Variants in TM9SF4 observed in about 807,000 individuals in gnomAD.
TM9SF4 encodes the protein transmembrane 9 superfamily member 4.
In TM9SF4, 26 loss-of-function variants were observed where a neutral mutation model predicts 90.4. That is an observed-to-expected ratio of 0.29 (90% confidence interval 0.21 to 0.40). The LOEUF is 0.40. Ranked by LOEUF, TM9SF4 falls within the 10% of genes least tolerant of loss-of-function variation. TM9SF4 has a pLI of 1.00. For synonymous variants in TM9SF4, 293 were observed against 315.4 expected (o/e 0.93, Z 0.75); for missense variants, 549 against 834.8 (o/e 0.66, Z 4.22).
At chr20:32,153,937 G>A (rs1467578333) in intron 12 of TM9SF4, among the ~76,000 whole-genome samples, 1 of 152,152 alleles carries the variant, frequency 6.6e-6, no homozygotes, top group Non-Finnish European at 1.5e-5. Context: ...GTGACGTGGA[G>A]GTGGTGAGGG....
chr20:32,141,918 A>C (rs1399641810), intron 5 of TM9SF4, 23 bp downstream of exon 5: 1 of 1,613,550 alleles, frequency 6.2e-7, no homozygotes, highest in African/African-American at 1.3e-5. Flanking sequence ...TGGCGTGCTC[A>C]CAGGACCGGG....
chr20:32,146,510 C>T (rs994134051), intron 8 of TM9SF4, among the ~76,000 whole-genome samples: 1 of 152,112 alleles, frequency 6.6e-6, no homozygotes, highest in Non-Finnish European at 1.5e-5. Flanking sequence ...TAGGACCAAG[C>T]GATGGAACAG....
At position 32,157,959 on chromosome 20, in the gene TM9SF4, C is replaced by G. The variant is rs1246150446; in HGVS notation, c.1495C>G (p.Arg499Gly). The change falls in exon 14 of 18, where the codon CGA becomes GGA. Residue 499 changes from arginine to glycine, a missense_variant. Around this residue, in one of 2 missense-constraint regions of TM9SF4, gnomAD observed 495 missense variants for 711.7 expected, o/e 0.70. Coordinates refer to ENST00000398022, the MANE Select transcript of TM9SF4 (RefSeq NM_014742.4). ...QIPEQRWYMNRFVGILMAGIL... is the reference protein window; with the variant it reads ...QIPEQRWYMNGFVGILMAGIL... ...CCCCGAGCAGCGGTGGTACATGAAC[C>G]GATTTGTGGGGTGAGTCCTCCAGCA... 1.2e-6 allele frequency: 2 copies of G among 1,613,950 alleles called. No homozygotes were observed. The highest frequency in any genetic ancestry group is 1.7e-6 in the Non-Finnish European group (2 of 1,180,012).
chr20:32,122,717 C>T (rs865955175), intron 1 of TM9SF4, among the ~76,000 whole-genome samples: 46 of 151,890 alleles, frequency 3.0e-4, no homozygotes, highest in African/African-American at 1.1e-3. Context: ...TCCTCACATC[C>T]CAGACGATGG....
intron 1 of TM9SF4, among the ~76,000 whole-genome samples, chr20:32,131,066 C>T (rs1359066262): frequency 6.6e-6 from 1 of 152,058 alleles, no homozygotes; most frequent in Non-Finnish European, 1.5e-5. Flanking sequence ...CCTTCCTATC[C>T]AAATTGCCCC....
At chr20:32,151,429 C>T (rs2046838669) in intron 12 of TM9SF4, among the ~76,000 whole-genome samples, 1 of 133,236 alleles carries the variant, frequency 7.5e-6, no homozygotes, top group Non-Finnish European at 1.6e-5. Flanking sequence ...ATCCCCGAGC[C>T]CCTTCTCCTA....
At chr20:32,133,657 G>T (rs893055965) in intron 2 of TM9SF4, among the ~76,000 whole-genome samples, 1 of 152,186 alleles carries the variant, frequency 6.6e-6, no homozygotes, top group Admixed American at 6.5e-5. Flanking sequence ...GCATGGCTTA[G>T]CTCAGGTTGC....
At position 32,165,512 on chromosome 20, in the gene TM9SF4, G is replaced by A; in HGVS notation, c.*68G>A. ...AAGCCACCCTGCGTGGGGGACTGCA[G>A]GCACGCAAAATAAAATAACTCCTGC... On this transcript the variant is annotated 3_prime_UTR_variant, in exon 18 of 18. Transcript: ENST00000398022. 9 of 1,571,722 alleles carry A rather than the reference G, an allele frequency of 5.7e-6. No homozygotes were observed. The highest frequency in any genetic ancestry group is 7.9e-6 in the Non-Finnish European group (9 of 1,146,412).
At chr20:32,159,900 T>C (rs2046989430) in intron 15 of TM9SF4, 92 bp from the exon 16 acceptor site, 4 of 1,557,224 alleles carry the variant, frequency 2.6e-6, no homozygotes, top group Middle Eastern at 1.8e-4. Flanking sequence ...GTCATGATGA[T>C]GTGTCCACTC....
chr20:32,111,821 G>A (rs1354083703), intron 1 of TM9SF4, among the ~76,000 whole-genome samples: 1 of 152,194 alleles, frequency 6.6e-6, no homozygotes, highest in Non-Finnish European at 1.5e-5. Context: ...TGTTTTTGAG[G>A]AACACACAGA....
rs1021534804 is a variant in TM9SF4, at chr20:32,148,502, G to T, written c.955-1132G>T. 3.6e-4 allele frequency among the ~76,000 whole-genome samples: 55 copies of T among 152,078 alleles called. 1 individual carries two copies. Among genetic ancestry groups the T allele is most frequent in the Admixed American group, 3.1e-3 (48 of 15,274 alleles). On this transcript the variant is annotated intron_variant, in intron 9 of 17. Coordinates refer to ENST00000398022, the MANE Select transcript of TM9SF4 (RefSeq NM_014742.4). ...GGAGGCCAAAGCAGGAGGATCACTT[G>T]AGCCCAGGAGTTCAAGACCAGCCAG...
chr20:32,158,016 A>T, intron 14 of TM9SF4, 47 bp downstream of exon 14: 5 of 1,604,094 alleles, frequency 3.1e-6, no homozygotes, highest in Non-Finnish European at 4.3e-6. Context: ...GGAAGAGGGT[A>T]CGCCCCCCTC....
At chr20:32,137,026 C>A (rs1384525790) in intron 3 of TM9SF4, 4 of 463,564 alleles carry the variant, frequency 8.6e-6, no homozygotes, top group Non-Finnish European at 1.8e-5. Context: ...CAGTTGGAGG[C>A]AGGCCTTGGA....
At chr20:32,138,819 C>T (rs2046630953) in intron 3 of TM9SF4, among the ~76,000 whole-genome samples, 1 of 152,232 alleles carries the variant, frequency 6.6e-6, no homozygotes, top group Non-Finnish European at 1.5e-5. Context: ...GCAAGATCCT[C>T]ATTGACAGGA....
chr20:32,143,850 A>C (rs917807687), intron 6 of TM9SF4, among the ~76,000 whole-genome samples: 1 of 152,078 alleles, frequency 6.6e-6, no homozygotes. Flanking sequence ...TCCCGAGCGC[A>C]GTTCTACGTT....
intron 1 of TM9SF4, among the ~76,000 whole-genome samples, chr20:32,114,424 G>A (rs556101570): frequency 1.5e-4 from 23 of 152,270 alleles, no homozygotes; most frequent in Admixed American, 3.3e-4. Flanking sequence ...TCCACCTCCC[G>A]GGCTCAGGCG....
chr20:32,109,905 G>T (rs2046114983), intron 1 of TM9SF4, 150 bp downstream of exon 1: 2 of 1,480,614 alleles, frequency 1.4e-6, no homozygotes, highest in African/African-American at 2.8e-5. Flanking sequence ...TGTCTTCCCC[G>T]AAATCCACCT....
intron 9 of TM9SF4, among the ~76,000 whole-genome samples, chr20:32,148,694 G>A (rs1227320075): frequency 5.0e-5 from 7 of 139,854 alleles, no homozygotes; most frequent in African/African-American, 1.4e-4. Flanking sequence ...TTTAAGAGAC[G>A]GAGTCTTGCT....
Position 32,165,606 on chromosome 20 carries a change from G to T in TM9SF4, c.*162G>T. 6 of 788,952 alleles carry T rather than the reference G, an allele frequency of 7.6e-6. No individual in the cohort carries two copies. Among genetic ancestry groups the T allele is most frequent in the Non-Finnish European group, 1.2e-5 (6 of 506,682 alleles). The allele number at this position is 788,952 out of a possible 1,614,324, so 48.9% of individuals were successfully genotyped here. Reference sequence around the variant, plus strand: ...GGCTGCGTGGGGGGCGGGAGGGCCTGTAGATAATCTTGCGTTTTTCGTCAT... The same window carrying T: ...GGCTGCGTGGGGGGCGGGAGGGCCTTTAGATAATCTTGCGTTTTTCGTCAT... On this transcript the variant is annotated 3_prime_UTR_variant, in exon 18 of 18. Coordinates refer to ENST00000398022, the MANE Select transcript of TM9SF4 (RefSeq NM_014742.4).
Sources: gnomAD v4.1 joint callset for allele counts (sites outside exome capture counted in the v4.1 genomes callset) on GRCh38, gnomAD v4.1.1 for gene constraint, gnomAD v4.1.1 regional missense constraint, MANE v1.5 for transcripts, NCBI Gene and HGNC (gene_info 2026-07-23, HGNC 2026-07-21) for gene names.